The following TSGA10 variants were observed in gnomAD, a reference collection of about 807,000 sequenced individuals.
The protein encoded by TSGA10 is testis-specific gene 10 protein.
Under a neutral mutation model 96.6 loss-of-function variants are expected in TSGA10, and 43 were observed. The ratio of observed to expected loss-of-function variants is 0.44; its 90% CI spans 0.35 to 0.57. The LOEUF is 0.57. Ranked by LOEUF, TSGA10 falls within the 20% of genes least tolerant of loss-of-function variation. TSGA10 has a pLI of 0.01. For synonymous variants in TSGA10, 229 were observed against 269.9 expected, an observed-to-expected ratio of 0.85 and a Z score of 1.48; for missense variants, 703 against 834.4, an observed-to-expected ratio of 0.84 and a Z score of 1.94.
At chr2:99,065,354 T>C (rs2085150198) in intron 15 of TSGA10, among the ~76,000 whole-genome samples, 1 of 152,162 alleles carries the variant, frequency 6.6e-6, no homozygotes, top group Non-Finnish European at 1.5e-5. Flanking sequence ...CACTAGTAAA[T>C]AGTAAATTTA....
intron 17 of TSGA10, among the ~76,000 whole-genome samples, chr2:99,023,254 C>A (rs1489972780): frequency 6.6e-6 from 1 of 152,178 alleles, no homozygotes; most frequent in Non-Finnish European, 1.5e-5. Flanking sequence ...CCTGTCTAGG[C>A]CTCCCAAAGT....
chr2:99,046,065 G>T lies in TSGA10; in HGVS notation c.1405-10626C>A, dbSNP rs537389621. ...GTACCCAATACAGGAGCACCCAGAT[G>T]AATAAAGCAAGTCCTTAGAGATCTA... On this transcript the variant is annotated intron_variant, in intron 16 of 20. Transcript: ENST00000393483. Among the ~76,000 whole-genome samples, 377 of 151,752 alleles carry T rather than the reference G, an allele frequency of 2.5e-3. 3 individuals are homozygous for T. Among genetic ancestry groups the T allele is most frequent in the African/African-American group, 8.1e-3 (335 of 41,362 alleles).
intron 16 of TSGA10, among the ~76,000 whole-genome samples, chr2:99,035,822 A>C (rs1381289827): frequency 1.3e-5 from 2 of 152,176 alleles, no homozygotes; most frequent in South Asian, 2.1e-4. Context: ...TGTTAAAAAC[A>C]AAAATGCTAG....
At chr2:99,049,598 G>A (rs1471981658) in intron 16 of TSGA10, among the ~76,000 whole-genome samples, 1 of 152,028 alleles carries the variant, frequency 6.6e-6, no homozygotes, top group Non-Finnish European at 1.5e-5. Flanking sequence ...GAGGCTACGG[G>A]AGGGATGGCA....
intron 10 of TSGA10, among the ~76,000 whole-genome samples, chr2:99,101,644 A>G (rs984607025): frequency 6.6e-6 from 1 of 152,216 alleles, no homozygotes; most frequent in Admixed American, 6.5e-5. Context: ...AGCTAACATT[A>G]ACAAAGAATT....
In TSGA10 at chr2:99,153,425, A is replaced by G. The variant is rs146141582; in HGVS notation, c.-621+1268T>C. On this transcript the variant is annotated intron_variant, in intron 1 of 20. Transcript: ENST00000393483. The stretch of plus-strand genomic sequence containing the variant: ...GGTCACTGGAGGATTGTTAAAGAGT[A>G]CAGCATGTTTGAGTGTCACTTGAAA... Among the ~76,000 whole-genome samples the G allele has an allele frequency of 3.3e-5, 5 of 152,320 alleles. No homozygotes were observed. In the East Asian group the frequency reaches 9.6e-4, roughly 29 times the overall value.
At position 99,042,330 on chromosome 2, in the gene TSGA10, G is replaced by A. The variant is rs552281643; in HGVS notation, c.1405-6891C>T. Among the ~76,000 whole-genome samples the A allele has an allele frequency of 2.0e-5, 3 of 152,122 alleles. No individual in the cohort carries two copies. The South Asian group carries it at 6.2e-4, about 32-fold the overall frequency. On this transcript the variant is annotated intron_variant, in intron 16 of 20. Coordinates refer to ENST00000393483, the MANE Select transcript of TSGA10 (RefSeq NM_025244.4). ...CAGAAATGACTGGGTGCATTTTGTT[G>A]GCCCTGGGGCATCCTAAAAGGGCCC...
At chr2:99,014,783 C>T (rs1227431313) in intron 20 of TSGA10, among the ~76,000 whole-genome samples, 1 of 152,046 alleles carries the variant, frequency 6.6e-6, no homozygotes, top group Admixed American at 6.5e-5. Flanking sequence ...TCCAAATTAG[C>T]TCAATGAGAA....
chr2:98,999,649 A>G (rs1015698052), intron 20 of TSGA10, among the ~76,000 whole-genome samples: 7 of 152,378 alleles, frequency 4.6e-5, no homozygotes, highest in Admixed American at 2.0e-4. Context: ...GAAGAAATAC[A>G]ACAAATATCA....
chr2:99,133,071 T>G (rs1028900129), intron 1 of TSGA10, among the ~76,000 whole-genome samples: 1 of 152,172 alleles, frequency 6.6e-6, no homozygotes, highest in Non-Finnish European at 1.5e-5. Context: ...TTCTGTTGAG[T>G]TGGGGAAGAG....
chr2:99,088,632 T>C lies in TSGA10; in HGVS notation c.612-7235A>G, dbSNP rs117606542. 1.0e-3 allele frequency among the ~76,000 whole-genome samples: 155 copies of C among 152,294 alleles called. 3 individuals carry two copies. The East Asian group carries it at 0.028, about 27-fold the overall frequency. On this transcript the variant is annotated intron_variant, in intron 10 of 20. Coordinates refer to ENST00000393483, the MANE Select transcript of TSGA10 (RefSeq NM_025244.4). Reference sequence around the variant, plus strand: ...ACACAATCACGTGGAAAACTGATCATTCCTTATGAAATTAAATGCATGCTT... The same window carrying C: ...ACACAATCACGTGGAAAACTGATCACTCCTTATGAAATTAAATGCATGCTT...
Position 99,127,118 on chromosome 2 carries a change from T to A in TSGA10, c.-562A>T. 1 of 1,289,578 alleles carries A rather than the reference T, an allele frequency of 7.8e-7. No individual in the cohort carries two copies. Among genetic ancestry groups the A allele is most frequent in the Non-Finnish European group, 1.0e-6 (1 of 988,768 alleles). 79.9% of individuals were successfully genotyped at this position (1,289,578 alleles called of 1,614,324 possible). A position where few individuals can be genotyped will look rare whatever the true frequency, so the allele number is the denominator to read the frequency against. On this transcript the variant is annotated 5_prime_UTR_variant, in exon 2 of 21. Transcript: ENST00000393483. ...TTGTTCTAGCTGGAGAGTATTCTGG[T>A]AGTTTTCAGCTTCAGAAACTGGAGC...
At chr2:99,067,843 CAAA>C (rs201614117) in intron 15 of TSGA10, among the ~76,000 whole-genome samples, 1 of 128,140 alleles carries the variant, frequency 7.8e-6, no homozygotes, top group Non-Finnish European at 1.7e-5. Context: ...GAGCCTGTCT[CAAA>C]AAAAAAAAAA....
chr2:99,119,110 TAG>T (rs889780836), intron 2 of TSGA10, among the ~76,000 whole-genome samples: 4 of 152,198 alleles, frequency 2.6e-5, no homozygotes, highest in African/African-American at 9.6e-5. Context: ...CAAACAGCTA[TAG>T]AGTTATCGTC....
rs749628532 is a variant in TSGA10, at chr2:99,018,237, G to A, written c.2035C>T (p.Arg679Ter). Residue 679 changes from arginine to a stop codon, truncating the protein, a stop_gained, in exon 20 of 21, where the codon CGA (arginine) becomes TGA (stop). Coordinates refer to ENST00000393483, the MANE Select transcript of TSGA10 (RefSeq NM_025244.4). LOFTEE classifies it high-confidence loss of function. ...KCHSPERAHH[R>*]SPDRGLDRSL... The stretch of plus-strand genomic sequence containing the variant: ...CGATCTAGGCCTCGGTCAGGAGATC[G>A]ATGGTGAGCACGTTCTGGTGAATGA... The A allele has an allele frequency of 2.2e-5, 36 of 1,613,802 alleles. No homozygotes were observed. The highest frequency in any genetic ancestry group is 1.2e-4 in the South Asian group (11 of 91,072).
chr2:99,078,801 C>T lies in TSGA10; in HGVS notation c.740G>A (p.Arg247Lys). The T allele has an allele frequency of 6.2e-7, 1 of 1,610,014 alleles. No homozygotes were observed. Among genetic ancestry groups the T allele is most frequent in the Non-Finnish European group, 8.5e-7 (1 of 1,178,838 alleles). Residue 247 changes from arginine to lysine, a missense_variant, in exon 12 of 21, where the codon AGG (arginine) becomes AAG (lysine). Physicochemically the swap from Arg to Lys is conservative, Grantham distance 26. Coordinates refer to ENST00000393483, the MANE Select transcript of TSGA10 (RefSeq NM_025244.4). ...CLDEKIDNFT[R>K]QNIAQREEIS... ...TTCTTCTCGCTGTGCAATATTTTGC[C>T]TTGTAAAGTTATCTATGTATGCAAT...
At position 99,064,999 on chromosome 2, in the gene TSGA10, A is replaced by G; in HGVS notation, c.1344T>C (p.Ala448=). ...CTTTTAATCTGTTACCCTCTGCCTC[A>G]GCAGTGATAAGTTCCAGTTTGAGGG... is the stretch of plus-strand genomic sequence containing the variant. ...NNTLKLELIT[A]EAEGNRLKEK... is the part of the protein sequence containing the mutation. Residue 448 remains alanine, a synonymous_variant, in exon 16 of 21, where the codon GCT becomes GCC. Coordinates refer to ENST00000393483, the MANE Select transcript of TSGA10 (RefSeq NM_025244.4). 6.2e-7 allele frequency: 1 copy of G among 1,613,214 alleles called. No homozygotes were observed. The highest frequency in any genetic ancestry group is 2.2e-5 in the East Asian group (1 of 44,804).
rs370880746 is a variant in TSGA10, at chr2:99,135,302, G to A, written c.-620-8126C>T. Among the ~76,000 whole-genome samples the A allele has an allele frequency of 3.2e-4, 48 of 152,192 alleles. 1 individual carries two copies. The highest frequency in any genetic ancestry group is 1.5e-3 in the East Asian group (8 of 5,186). On this transcript the variant is annotated intron_variant, in intron 1 of 20. Transcript: ENST00000393483. ...TGCCCAGAGAGGAGGAATCTAGAGAGGCAGTCTGGCTACAGCAGCTTAGCC... is the reference window on the plus strand; with the variant it reads ...TGCCCAGAGAGGAGGAATCTAGAGAAGCAGTCTGGCTACAGCAGCTTAGCC...
intron 20 of TSGA10, among the ~76,000 whole-genome samples, chr2:99,017,576 T>TA (rs1230174701): frequency 6.6e-6 from 1 of 151,720 alleles, no homozygotes; most frequent in Non-Finnish European, 1.5e-5. Context: ...CCATCCCGGC[T>TA]AAAACGGTGA....
Sources: gnomAD v4.1 joint callset for allele counts (sites outside exome capture counted in the v4.1 genomes callset) on GRCh38, gnomAD v4.1.1 for gene constraint, MANE v1.5 for transcripts, NCBI Gene and HGNC (gene_info 2026-07-23, HGNC 2026-07-21) for gene names.